Variants in VSIG10 observed in about 807,000 individuals in gnomAD.
VSIG10 encodes V-set and immunoglobulin domain-containing protein 10.
In VSIG10, 48 loss-of-function variants were observed where a neutral mutation model predicts 58.7. The ratio of observed to expected loss-of-function variants is 0.82; its 90% CI spans 0.65 to 1.04. VSIG10 has a LOEUF of 1.04. Ranked by LOEUF, VSIG10 falls within the 50% of genes least tolerant of loss-of-function variation. The pLI, the probability that VSIG10 is intolerant of heterozygous loss-of-function variation, is 0.00. For synonymous variants in VSIG10, 260 were observed against 267.1 expected, an observed-to-expected ratio of 0.97 and a Z score of 0.26; for missense variants, 628 against 670.0, an observed-to-expected ratio of 0.94 and a Z score of 0.69.
intron 1 of VSIG10, chr12:118,101,672 C>T (rs996828705): frequency 1.3e-5 from 2 of 152,000 alleles, no homozygotes; most frequent in Admixed American, 6.6e-5. Context: ...ATTTACAATC[C>T]GGGGTAGCTA....
At chr12:118,073,593 T>C in intron 5 of VSIG10, 106 bp downstream of exon 5, 3 of 1,317,728 alleles carry the variant, frequency 2.3e-6, no homozygotes, top group Non-Finnish European at 3.1e-6. Flanking sequence ...CTTCTCCCAG[T>C]TGGCAGTGAC....
chr12:118,072,309 C>CA (rs2032528551), intron 5 of VSIG10, among the ~76,000 whole-genome samples: 1 of 150,992 alleles, frequency 6.6e-6, no homozygotes, highest in African/African-American at 2.4e-5. Context: ...ACTAAAAATA[C>CA]AAAAAATTAG....
In VSIG10 at chr12:118,095,650, G is replaced by C. The variant is rs2033427769; in HGVS notation, c.244C>G (p.Leu82Val). The C allele has an allele frequency of 6.2e-7, 1 of 1,613,986 alleles. No homozygotes were observed. The highest frequency in any genetic ancestry group is 8.5e-7 in the Non-Finnish European group (1 of 1,179,890). ...ATGTGCAGGGAGGTGGCATCCACTA[G>C]AGAGAAGCGAGGCTCAGCTGGCCGG... is the stretch of plus-strand genomic sequence containing the variant. ...SLRPAEPRFS[L>V]VDATSLHIES... The change falls in exon 2 of 9, where the codon CTA becomes GTA. Residue 82 changes from leucine to valine, a missense_variant. Transcript: ENST00000359236.
At position 118,068,460 on chromosome 12, in the gene VSIG10, G is replaced by T. The variant is rs756109402; in HGVS notation, c.1484C>A (p.Pro495His). The T allele has an allele frequency of 2.5e-6, 4 of 1,613,526 alleles. No homozygotes were observed. Among genetic ancestry groups the T allele is most frequent in the Non-Finnish European group, 3.4e-6 (4 of 1,179,854 alleles). ...CACTCTGTGAATGTGGTCCTGCTTA[G>T]GTATTTCTTTTGGCAACTCCTCTCT... Reference protein sequence around the residue: ...REREELPKEIPKQDHIHRVTA... With the variant: ...REREELPKEIHKQDHIHRVTA... The change falls in exon 8 of 9, where the codon CCT (proline) becomes CAT (histidine). Residue 495 changes from proline (P) to histidine (H), a missense_variant. Pro to His is a moderately conservative substitution (Grantham distance 77). Coordinates refer to ENST00000359236, the MANE Select transcript of VSIG10 (RefSeq NM_019086.6).
Position 118,073,635 on chromosome 12 carries a change from T to C in VSIG10, c.1219+64A>G, listed in dbSNP as rs1256387168. 6 of 1,525,464 alleles carry C rather than the reference T, an allele frequency of 3.9e-6. No individual in the cohort carries two copies. In the East Asian group the frequency reaches 9.2e-5, roughly 23 times the overall value. The allele number at this position is 1,525,464 out of a possible 1,614,324, so 94.5% of individuals were successfully genotyped here. A position where few individuals can be genotyped will look rare whatever the true frequency, so the allele number is the denominator to read the frequency against. On this transcript the variant is annotated intron_variant, in intron 5 of 8. Coordinates refer to ENST00000359236, the MANE Select transcript of VSIG10 (RefSeq NM_019086.6). ...GTAGGGAGGCACCAGGCTGTCCTCATGCTGATGCTGGGTGCTCTGAAGCTC... is the reference window on the plus strand; with the variant it reads ...GTAGGGAGGCACCAGGCTGTCCTCACGCTGATGCTGGGTGCTCTGAAGCTC...
chr12:118,079,670 C>A, intron 3 of VSIG10, 64 bp from the exon 4 acceptor site: 2 of 1,583,202 alleles, frequency 1.3e-6, no homozygotes, highest in African/African-American at 2.7e-5. Flanking sequence ...ACTGGACTGG[C>A]TCTAAGGATG....
chr12:118,083,174 G>A (rs1230319166), intron 2 of VSIG10, among the ~76,000 whole-genome samples: 2 of 143,042 alleles, frequency 1.4e-5, no homozygotes, highest in African/African-American at 2.6e-5. Context: ...AGGCACAGTA[G>A]CTCATGACTG....
chr12:118,099,957 C>T (rs11068823), intron 1 of VSIG10, among the ~76,000 whole-genome samples: 214 of 152,302 alleles, frequency 1.4e-3, no homozygotes, highest in African/African-American at 4.9e-3. Flanking sequence ...TGAAAACAAA[C>T]GAACAAACAA....
chr12:118,068,989 C>T (rs1372351113), intron 7 of VSIG10, among the ~76,000 whole-genome samples: 1 of 152,208 alleles, frequency 6.6e-6, no homozygotes, highest in Non-Finnish European at 1.5e-5. Flanking sequence ...TGCTAAAGAC[C>T]TAAATTAATG....
chr12:118,073,884 A>G lies in VSIG10; in HGVS notation c.1034T>C (p.Leu345Pro). ...CACCTCGGGCTGGGTAAGGTTCCTCAGCCACAGGATCTTGGCAGGGGGGTA... is the reference window on the plus strand; with the variant it reads ...CACCTCGGGCTGGGTAAGGTTCCTCGGCCACAGGATCTTGGCAGGGGGGTA... ...GAYPPAKILWLRNLTQPEVII... is the reference protein window; with the variant it reads ...GAYPPAKILWPRNLTQPEVII... The change falls in exon 5 of 9, where the codon CTG becomes CCG. Residue 345 changes from leucine (L) to proline (P), a missense_variant. Transcript: ENST00000359236. 6.2e-7 allele frequency: 1 copy of G among 1,613,914 alleles called. No homozygotes were observed. The highest frequency in any genetic ancestry group is 1.7e-5 in the Admixed American group (1 of 59,974).
intron 2 of VSIG10, among the ~76,000 whole-genome samples, chr12:118,091,048 T>C (rs1566173733): frequency 6.6e-6 from 1 of 151,890 alleles, no homozygotes; most frequent in Non-Finnish European, 1.5e-5. Context: ...GGCATGAGAA[T>C]CACTTGAACC....
rs761792545 is a variant in VSIG10, at chr12:118,082,179, C to G, written c.612G>C (p.Leu204Phe). Reference sequence around the variant, plus strand: ...TTCGATGTCTCTTGCTGAGCTGATTCAAGGCTAAACAGGTGTAGTTCCCTT... The same window carrying G: ...TTCGATGTCTCTTGCTGAGCTGATTGAAGGCTAAACAGGTGTAGTTCCCTT... ...NLQGNYTCLA[L>F]NQLSKRHRKV... The change falls in exon 3 of 9, where the codon TTG becomes TTC. Residue 204 changes from leucine (L) to phenylalanine (F), a missense_variant. Transcript: ENST00000359236. The G allele has an allele frequency of 6.2e-7, 1 of 1,613,942 alleles. No individual in the cohort carries two copies. The highest frequency in any genetic ancestry group is 1.1e-5 in the South Asian group (1 of 91,064).
Position 118,063,899 on chromosome 12 carries a change from G to A in VSIG10, c.*2740C>T, listed in dbSNP as rs1271653999. 1 of 152,092 alleles carries A rather than the reference G, an allele frequency of 6.6e-6. No individual in the cohort carries two copies. Among genetic ancestry groups the A allele is most frequent in the Non-Finnish European group, 1.5e-5 (1 of 68,028 alleles). The allele number at this position is 152,092 out of a possible 1,614,324, so 9.4% of individuals were successfully genotyped here. A position where few individuals can be genotyped will look rare whatever the true frequency, so the allele number is the denominator to read the frequency against. ...GGCTTGTATGTGCTTGTGAGAATTG[G>A]GGCTAATATCAAAGCCACAGAATTG... On this transcript the variant is annotated 3_prime_UTR_variant, in exon 9 of 9. Coordinates refer to ENST00000359236, the MANE Select transcript of VSIG10 (RefSeq NM_019086.6).
At position 118,065,635 on chromosome 12, in the gene VSIG10, C is replaced by T. The variant is rs2032220446; in HGVS notation, c.*1004G>A. On this transcript the variant is annotated 3_prime_UTR_variant, in exon 9 of 9. Transcript: ENST00000359236. ...TCCCCTTTAAGCCCTAGGTCCTGCC[C>T]ACTAGAGCAGATACGCAACTTTAAA... The T allele has an allele frequency of 6.6e-6, 1 of 152,188 alleles. No individual in the cohort carries two copies. The highest frequency in any genetic ancestry group is 2.1e-4 in the South Asian group (1 of 4,826). The allele number at this position is 152,188 out of a possible 1,614,324, so 9.4% of individuals were successfully genotyped here. A position where few individuals can be genotyped will look rare whatever the true frequency, so the allele number is the denominator to read the frequency against.
In VSIG10 at chr12:118,064,420, CTG is replaced by C. The variant is rs2032178579; in HGVS notation, c.*2217_*2218del. 1.4e-5 allele frequency: 2 copies of C among 146,026 alleles called. No individual in the cohort carries two copies. Among genetic ancestry groups the C allele is most frequent in the Admixed American group, 7.0e-5 (1 of 14,324 alleles). The allele number at this position is 146,026 out of a possible 1,614,324, so 9.0% of individuals were successfully genotyped here. ...TCCCAGTGATCCTACAAAACATTCTCTGTGTTCCTAGCTAGGGTTTTTTTTTT... is the reference window on the plus strand; with the variant it reads ...TCCCAGTGATCCTACAAAACATTCTCTGTTCCTAGCTAGGGTTTTTTTTTT... On this transcript the variant is annotated 3_prime_UTR_variant, in exon 9 of 9. Transcript: ENST00000359236.
chr12:118,100,472 G>A (rs2033594894), intron 1 of VSIG10, among the ~76,000 whole-genome samples: 1 of 152,096 alleles, frequency 6.6e-6, no homozygotes, highest in African/African-American at 2.4e-5. Context: ...ATTCCAGCCT[G>A]GGTAACAGAG....
intron 8 of VSIG10, 43 bp from the exon 9 acceptor site, chr12:118,066,737 T>C (rs1387014789): frequency 6.5e-7 from 1 of 1,535,562 alleles, no homozygotes; most frequent in African/African-American, 1.4e-5. Context: ...AATCAGAGTG[T>C]GATTCTATTT....
rs185878432 is a variant in VSIG10 at position 118,103,776 on chromosome 12, G to T, written c.-105C>A. The T allele has an allele frequency of 1.3e-4, 145 of 1,152,458 alleles. No individual in the cohort carries two copies. The East Asian group carries it at 4.1e-3, about 33-fold the overall frequency. 71.4% of individuals were successfully genotyped at this position (1,152,458 alleles called of 1,614,324 possible). A position where few individuals can be genotyped will look rare whatever the true frequency, so the allele number is the denominator to read the frequency against. ...TACCGAGGGCTCCTCCCAGGTCCTC[G>T]GAACGGCAGAGTGGCCCCACTTCCT... is the stretch of plus-strand genomic sequence containing the variant. On this transcript the variant is annotated 5_prime_UTR_variant, in exon 1 of 9. Coordinates refer to ENST00000359236, the MANE Select transcript of VSIG10 (RefSeq NM_019086.6).
rs2032165210 is a variant in VSIG10, at chr12:118,064,043, T to C, written c.*2596A>G. 1 of 152,218 alleles carries C rather than the reference T, an allele frequency of 6.6e-6. No homozygotes were observed. The highest frequency in any genetic ancestry group is 1.9e-4 in the East Asian group (1 of 5,204). The allele number at this position is 152,218 out of a possible 1,614,324, so 9.4% of individuals were successfully genotyped here. ...ATAAATAGATCTCATGGTCTCTAAG[T>C]TAACAATACATGCAGATAAGATTTT... On this transcript the variant is annotated 3_prime_UTR_variant, in exon 9 of 9. Transcript: ENST00000359236.
Sources: gnomAD v4.1 joint callset for allele counts (sites outside exome capture counted in the v4.1 genomes callset) on GRCh38, gnomAD v4.1.1 for gene constraint, MANE v1.5 for transcripts, NCBI Gene and HGNC (gene_info 2026-07-23, HGNC 2026-07-21) for gene names.